Variants in EVL observed in about 807,000 individuals in gnomAD.
The protein encoded by EVL is Enah/Vasp-like.
In EVL, 21 loss-of-function variants were observed where a neutral mutation model predicts 59.6. The observed-to-expected ratio is 0.35, with a 90% CI of 0.25 to 0.51. The LOEUF is 0.51. Among genes scored for constraint, EVL ranks in the 20% least tolerant of loss-of-function variants. The pLI is 0.97. For synonymous variants in EVL, 198 were observed against 203.5 expected (o/e 0.97, Z 0.23); for missense variants, 462 against 546.6 (o/e 0.85, Z 1.54).
At chr14:100,063,646 C>G (rs1053120051), upstream of EVL, among the ~76,000 whole-genome samples, 6 of 152,116 alleles carry the variant, frequency 3.9e-5, no homozygotes, top group Admixed American at 2.0e-4. Context: ...TAGACAAAAA[C>G]AAACAACAGC....
chr14:100,124,837 G>A lies in EVL; in HGVS notation c.422+1235G>A, dbSNP rs542022728. On this transcript the variant is annotated intron_variant, in intron 4 of 13. Transcript: ENST00000392920. ...TCCAAGCTGTGTGGGGTCACTGGCCGTCCGGGAATGGGCATACCGCCTGGC... is the reference window on the plus strand; with the variant it reads ...TCCAAGCTGTGTGGGGTCACTGGCCATCCGGGAATGGGCATACCGCCTGGC... Among the ~76,000 whole-genome samples the A allele has an allele frequency of 1.8e-4, 27 of 152,326 alleles. No homozygotes were observed. The East Asian group carries it at 2.5e-3, about 14-fold the overall frequency.
chr14:100,067,564 C>T (rs2140273317), intron 1 of EVL, among the ~76,000 whole-genome samples: 1 of 152,316 alleles, frequency 6.6e-6, no homozygotes, highest in African/African-American at 2.4e-5. Flanking sequence ...TCGAGCAAGC[C>T]TCCTGCCTCA....
At chr14:100,081,682 G>C (rs2062310836) in intron 1 of EVL, among the ~76,000 whole-genome samples, 1 of 152,174 alleles carries the variant, frequency 6.6e-6, no homozygotes. Context: ...CCTAGTGCTA[G>C]CGGTTCTCTA....
intron 3 of EVL, among the ~76,000 whole-genome samples, chr14:100,113,663 C>A (rs1317493954): frequency 6.6e-6 from 1 of 152,050 alleles, no homozygotes; most frequent in Non-Finnish European, 1.5e-5. Flanking sequence ...AGGGGGGATT[C>A]CTTTGAAGTC....
At chr14:100,008,449 C>A (rs546077367) in intron 1 of EVL, among the ~76,000 whole-genome samples, 36 of 152,260 alleles carry the variant, frequency 2.4e-4, no homozygotes, top group African/African-American at 8.7e-4. Flanking sequence ...GGTCACTTAC[C>A]ATATTAATGA....
chr14:100,018,227 C>T (rs2061067621), intron 1 of EVL, among the ~76,000 whole-genome samples: 1 of 152,200 alleles, frequency 6.6e-6, no homozygotes, highest in Non-Finnish European at 1.5e-5. Context: ...ATCTCAGCCC[C>T]TCGGAGAGGG....
At chr14:100,113,827 A>G (rs1185981209) in intron 3 of EVL, among the ~76,000 whole-genome samples, 1 of 152,166 alleles carries the variant, frequency 6.6e-6, no homozygotes. Flanking sequence ...GGCTGGGAGC[A>G]GCAGTCAGGG....
chr14:100,007,149 C>T (rs1212387314), intron 1 of EVL, among the ~76,000 whole-genome samples: 1 of 151,896 alleles, frequency 6.6e-6, no homozygotes, highest in Non-Finnish European at 1.5e-5. Context: ...TCATGGTGGT[C>T]GGGGCACAGT....
At chr14:100,134,302 T>C (rs1888632108) in intron 8 of EVL, among the ~76,000 whole-genome samples, 1 of 152,164 alleles carries the variant, frequency 6.6e-6, no homozygotes. Context: ...GGTGCCAGTA[T>C]GTTGCAGTCC....
chr14:100,122,148 G>A (rs11849414), intron 3 of EVL, among the ~76,000 whole-genome samples: 11,774 of 152,228 alleles, frequency 0.077, 994 homozygotes, highest in African/African-American at 0.2. Flanking sequence ...GTCAGGGGGC[G>A]GGGGGACACA....
intron 1 of EVL, among the ~76,000 whole-genome samples, chr14:100,021,175 A>C (rs2061117653): frequency 6.6e-6 from 1 of 152,184 alleles, no homozygotes; most frequent in Non-Finnish European, 1.5e-5. Flanking sequence ...TACCCTCTTG[A>C]ACAGAGCTTG....
intron 1 of EVL, among the ~76,000 whole-genome samples, chr14:100,034,905 T>C (rs1288341094): frequency 6.6e-6 from 1 of 152,226 alleles, no homozygotes; most frequent in East Asian, 1.9e-4. Context: ...AGGAAAAGTA[T>C]GATTATATAT....
intron 3 of EVL, among the ~76,000 whole-genome samples, chr14:100,111,848 G>T (rs1275444408): frequency 6.6e-6 from 1 of 152,180 alleles, no homozygotes; most frequent in Non-Finnish European, 1.5e-5. Flanking sequence ...AGAGCTTAAG[G>T]CCCAGAGCCC....
chr14:100,005,441 T>G (rs915072463), intron 1 of EVL, among the ~76,000 whole-genome samples: 1 of 152,190 alleles, frequency 6.6e-6, no homozygotes, highest in African/African-American at 2.4e-5. Context: ...ATGCCAAATT[T>G]TGACACCTAA....
intron 1 of EVL, among the ~76,000 whole-genome samples, chr14:100,017,268 G>A (rs149099703): frequency 6.6e-6 from 1 of 152,244 alleles, no homozygotes; most frequent in Non-Finnish European, 1.5e-5. Context: ...AAAGGTGCTG[G>A]TTATACCTGC....
At chr14:100,060,205 C>T (rs1184153023) in intron 1 of EVL, among the ~76,000 whole-genome samples, 5 of 151,510 alleles carry the variant, frequency 3.3e-5, no homozygotes, top group Non-Finnish European at 7.4e-5. Flanking sequence ...CCGAGGCGGG[C>T]GGATCACGAG....
At chr14:99,997,591 G>T (rs909609463) in intron 1 of EVL, among the ~76,000 whole-genome samples, 1 of 152,240 alleles carries the variant, frequency 6.6e-6, no homozygotes, top group Non-Finnish European at 1.5e-5. Flanking sequence ...TAGGTCTGAA[G>T]TCAGTGTTTT....
In EVL at chr14:99,997,681, A is replaced by G. The variant is rs149199732; in HGVS notation, c.5+25624A>G. Among the ~76,000 whole-genome samples, 8 of 152,354 alleles carry G rather than the reference A, an allele frequency of 5.3e-5. No individual in the cohort carries two copies. The East Asian group carries it at 1.2e-3, about 22-fold the overall frequency. On this transcript the variant is annotated intron_variant, in intron 1 of 13. Transcript: ENST00000402714. ...GGGCAGAACTAGGTCAGGTGAGGCA[A>G]TAAACACAGATTTCTCCTTTTATTG...
chr14:100,054,543 C>G (rs1298844978), intron 1 of EVL, among the ~76,000 whole-genome samples: 1 of 152,156 alleles, frequency 6.6e-6, no homozygotes, highest in African/African-American at 2.4e-5. Flanking sequence ...CAATATTTCC[C>G]CTGCTCTAAA....
Sources: allele counts gnomAD v4.1 joint callset (sites outside exome capture counted in the v4.1 genomes callset), GRCh38; gene constraint gnomAD v4.1.1; transcripts MANE v1.5; gene names NCBI Gene and HGNC (gene_info 2026-07-23, HGNC 2026-07-21).